The following FAM20B variants were observed in gnomAD, a reference collection of about 807,000 sequenced individuals.
FAM20B encodes glycosaminoglycan xylosylkinase.
Under a neutral mutation model 43.8 loss-of-function variants are expected in FAM20B, and 23 were observed. That is an observed-to-expected ratio of 0.53 (90% CI 0.38 to 0.74). The LOEUF (loss-of-function observed/expected upper bound fraction) is 0.74, where lower values mean the gene tolerates loss of function less well. FAM20B is among the 30% of genes least tolerant of loss of function. FAM20B has a pLI of 0.00. For synonymous variants in FAM20B, 178 were observed against 192.4 expected (o/e 0.93, Z 0.62); for missense variants, 440 against 510.5 (o/e 0.86, Z 1.33).
At chr1:179,046,730 C>T (rs1373705701) in intron 2 of FAM20B, among the ~76,000 whole-genome samples, 1 of 151,420 alleles carries the variant, frequency 6.6e-6, no homozygotes, top group African/African-American at 2.4e-5. Context: ...TGGCTGGGTG[C>T]GGTGGCTCAT....
intron 2 of FAM20B, among the ~76,000 whole-genome samples, chr1:179,046,972 G>A (rs1650800383): frequency 6.6e-6 from 1 of 152,144 alleles, no homozygotes; most frequent in East Asian, 1.9e-4. Context: ...TCCAGCCTGG[G>A]CAACAGGAGC....
rs571681050 is a variant in FAM20B at position 179,046,777 on chromosome 1, C to CG, written c.377+2555dup. Among the ~76,000 whole-genome samples the CG allele has an allele frequency of 6.6e-5, 10 of 151,970 alleles. No individual in the cohort carries two copies. The South Asian group carries it at 2.1e-3, about 32-fold the overall frequency. ...TAGCACTTTGGGAGGCCGAGGCGGG[C>CG]GGATCACCTGAGGTCAGGAGTTCGA... On this transcript the variant is annotated intron_variant, in intron 2 of 7. Transcript: ENST00000263733.
intron 6 of FAM20B, among the ~76,000 whole-genome samples, chr1:179,066,389 T>C (rs987653032): frequency 3.3e-5 from 5 of 152,122 alleles, no homozygotes; most frequent in African/African-American, 1.2e-4. Flanking sequence ...GTGACTTCTT[T>C]TTACAAGTAA....
chr1:179,042,079 C>T (rs1216475059), intron 1 of FAM20B, among the ~76,000 whole-genome samples: 1 of 152,178 alleles, frequency 6.6e-6, no homozygotes, highest in East Asian at 1.9e-4. Context: ...TGGGGTGTCA[C>T]TTTGCCAGTG....
chr1:179,053,261 C>T (rs770781590), intron 3 of FAM20B, among the ~76,000 whole-genome samples: 5 of 152,078 alleles, frequency 3.3e-5, no homozygotes, highest in African/African-American at 1.2e-4. Flanking sequence ...TGTTCTTGGG[C>T]TTGGCAATTT....
At position 179,074,123 on chromosome 1, in the gene FAM20B, T is replaced by A. The variant is rs1652043481; in HGVS notation, c.*1979T>A. 1 of 152,698 alleles carries A rather than the reference T, an allele frequency of 6.5e-6. No individual in the cohort carries two copies. Among genetic ancestry groups the A allele is most frequent in the African/African-American group, 2.4e-5 (1 of 41,472 alleles). The allele number at this position is 152,698 out of a possible 1,614,324, so 9.5% of individuals were successfully genotyped here. On this transcript the variant is annotated 3_prime_UTR_variant, in exon 8 of 8. Transcript: ENST00000263733. ...CTGAGTAATAACCTGTAACTATTTT[T>A]AAATGGCATGAAATTAGGAAACTTT...
intron 1 of FAM20B, among the ~76,000 whole-genome samples, chr1:179,040,907 C>T (rs1440788161): frequency 1.3e-5 from 2 of 148,828 alleles, no homozygotes; most frequent in Admixed American, 6.7e-5. Flanking sequence ...ACGGGGCGGC[C>T]GGGCAGAGAC....
Position 179,030,710 on chromosome 1 carries a change from T to G in FAM20B, c.-134+4612T>G, listed in dbSNP as rs754972323. 6.6e-4 allele frequency among the ~76,000 whole-genome samples: 101 copies of G among 152,232 alleles called. 1 individual carries two copies. The highest frequency in any genetic ancestry group is 5.8e-3 in the Admixed American group (88 of 15,282). Reference sequence around the variant, plus strand: ...GTTGCCAGTTTAGAAGAAATTCTTATAACCCTAAAGGTCTTTCTCCTTTGC... The same window carrying G: ...GTTGCCAGTTTAGAAGAAATTCTTAGAACCCTAAAGGTCTTTCTCCTTTGC... On this transcript the variant is annotated intron_variant, in intron 1 of 7. Transcript: ENST00000263733.
At chr1:179,064,520 G>C (rs746214484) in intron 6 of FAM20B, 24 bp downstream of exon 6, 3 of 1,577,170 alleles carry the variant, frequency 1.9e-6, no homozygotes, top group Non-Finnish European at 2.6e-6. Context: ...GACTGTCCTT[G>C]TCAGGGAGGG....
chr1:179,053,400 C>T (rs1475327832), intron 3 of FAM20B, among the ~76,000 whole-genome samples: 4 of 152,126 alleles, frequency 2.6e-5, no homozygotes, highest in Non-Finnish European at 5.9e-5. Context: ...CATGCCGCTG[C>T]ACTCTGGCCT....
chr1:179,053,491 C>G (rs1464237318), intron 3 of FAM20B, among the ~76,000 whole-genome samples: 3 of 152,084 alleles, frequency 2.0e-5, no homozygotes, highest in Non-Finnish European at 4.4e-5. Flanking sequence ...AAAAACCCTT[C>G]CCAACCTTTT....
At chr1:179,023,753 A>G (rs1438983647), upstream of FAM20B, among the ~76,000 whole-genome samples, 1 of 152,150 alleles carries the variant, frequency 6.6e-6, no homozygotes, top group Non-Finnish European at 1.5e-5. Context: ...TGCTCACCTC[A>G]ATACCAGCCC....
chr1:179,019,669 T>A, the FAM20B span, among the ~76,000 whole-genome samples: 1 of 151,842 alleles, frequency 6.6e-6, no homozygotes, highest in Non-Finnish European at 1.5e-5. Flanking sequence ...TCCATGTTGG[T>A]CAGGCTGGTC....
intron 1 of FAM20B, among the ~76,000 whole-genome samples, chr1:179,032,734 TTTTTA>T (rs1233427806): frequency 6.6e-6 from 1 of 152,162 alleles, no homozygotes; most frequent in Non-Finnish European, 1.5e-5. Flanking sequence ...TTAGTATTAG[TTTTTA>T]TTTTTAGTTG....
At chr1:179,054,465 A>T in intron 3 of FAM20B, 64 bp from the exon 4 acceptor site, 1 of 1,002,862 alleles carries the variant, frequency 1.0e-6, no homozygotes, top group Non-Finnish European at 1.6e-6. Context: ...GTAATTTTTA[A>T]GACTGTTACT....
At chr1:179,034,736 T>C (rs754411717) in intron 1 of FAM20B, among the ~76,000 whole-genome samples, 3 of 152,228 alleles carry the variant, frequency 2.0e-5, no homozygotes, top group Non-Finnish European at 4.4e-5. Flanking sequence ...TGCATAAATA[T>C]AATTCTATAC....
intron 7 of FAM20B, among the ~76,000 whole-genome samples, chr1:179,067,488 C>T (rs1186935304): frequency 6.6e-6 from 1 of 152,078 alleles, no homozygotes; most frequent in African/African-American, 2.4e-5. Flanking sequence ...ACCAGTATTC[C>T]AGCTACTTAG....
chr1:179,054,783 A>G, intron 4 of FAM20B, 145 bp downstream of exon 4: 1 of 491,488 alleles, frequency 2.0e-6, no homozygotes, highest in Non-Finnish European at 3.6e-6. Flanking sequence ...CTCTCAGGTT[A>G]TTTGGGAAAA....
chr1:179,058,558 G>A (rs914530293), intron 4 of FAM20B, among the ~76,000 whole-genome samples: 2 of 152,200 alleles, frequency 1.3e-5, no homozygotes, highest in Non-Finnish European at 2.9e-5. Flanking sequence ...GAGGAAGACA[G>A]CTGGTCAGGA....
Sources: allele counts gnomAD v4.1 joint callset (sites outside exome capture counted in the v4.1 genomes callset), GRCh38; gene constraint gnomAD v4.1.1; transcripts MANE v1.5; gene names NCBI Gene and HGNC (gene_info 2026-07-23, HGNC 2026-07-21).